SERPINF1: variants seen among roughly 807,000 people sequenced by gnomAD.
SERPINF1 encodes serpin family F member 1.
A neutral mutation model predicts 37.3 loss-of-function variants in SERPINF1; 29 were observed. The observed-to-expected ratio is 0.78, with a 90% CI of 0.58 to 1.06. SERPINF1 has a LOEUF of 1.06. Ranked by LOEUF, SERPINF1 falls within the 50% of genes least tolerant of loss-of-function variation. The probability of loss-of-function intolerance (pLI) is 0.00; values close to 1 mark genes in which losing one functional copy is unlikely to be tolerated. For synonymous variants in SERPINF1, 281 were observed against 227.9 expected, an observed-to-expected ratio of 1.23 and a Z score of -2.10; for missense variants, 553 against 532.2, an observed-to-expected ratio of 1.04 and a Z score of -0.38.
intron 2 of SERPINF1, among the ~76,000 whole-genome samples, chr17:1,769,218 C>G (rs1427638966): frequency 6.6e-5 from 10 of 150,888 alleles, no homozygotes; most frequent in African/African-American, 1.7e-4. Context: ...GACCATCCTG[C>G]CTAACACGGT....
chr17:1,766,639 T>C (rs1387967689), intron 1 of SERPINF1: 3 of 378,498 alleles, frequency 7.9e-6, no homozygotes, highest in Non-Finnish European at 1.4e-5. Flanking sequence ...ACGCAGACAG[T>C]GGAACAAAAG....
chr17:1,767,023 C>G, intron 2 of SERPINF1, 29 bp downstream of exon 2: 1 of 1,525,816 alleles, frequency 6.6e-7, no homozygotes. Flanking sequence ...AGGGCGTGGT[C>G]AGCATTCCCC....
intron 4 of SERPINF1, chr17:1,771,601 C>G: frequency 2.0e-6 from 1 of 510,208 alleles, no homozygotes; most frequent in Non-Finnish European, 3.6e-6. Context: ...AGGAAGGGCC[C>G]GTGAGCCCAA....
chr17:1,763,775 C>T (rs907706217), intron 1 of SERPINF1, among the ~76,000 whole-genome samples: 1 of 152,248 alleles, frequency 6.6e-6, no homozygotes, highest in Admixed American at 6.5e-5. Flanking sequence ...CTCAGCCTAC[C>T]CACATTGTGA....
At position 1,777,284 on chromosome 17, in the gene SERPINF1, C is replaced by CTTT. The variant is rs1908099075; in HGVS notation, c.1095_1096insTTT (p.Asn365_Glu366insPhe). ...AACACCGGGCTGGCTTTGAGTGGAA[C>CTTT]GAGGATGGGGCGGGAACCACCCCCA... On this transcript the variant is annotated inframe_insertion, in exon 8 of 8. Transcript: ENST00000254722. 1 of 1,613,938 alleles carries CTTT rather than the reference C, an allele frequency of 6.2e-7. No individual in the cohort carries two copies. The highest frequency in any genetic ancestry group is 8.5e-7 in the Non-Finnish European group (1 of 1,180,002).
chr17:1,768,928 C>G (rs925121561), intron 2 of SERPINF1, among the ~76,000 whole-genome samples: 1 of 152,000 alleles, frequency 6.6e-6, no homozygotes, highest in East Asian at 2.0e-4. Context: ...GCCTCAGCCT[C>G]CTGAGTAGCT....
intron 1 of SERPINF1, among the ~76,000 whole-genome samples, chr17:1,765,286 G>A (rs146022970): frequency 6.8e-4 from 103 of 152,024 alleles, no homozygotes; most frequent in African/African-American, 2.4e-3. Context: ...GGGACTACAG[G>A]TGTGTGCCAC....
At position 1,776,659 on chromosome 17, in the gene SERPINF1, TGAAGACCGTGCAGGCG is replaced by T; in HGVS notation, c.916_931del (p.Lys306SerfsTer7). The stretch of plus-strand genomic sequence containing the variant: ...TTCATTCATGACATAGACCGAGAAC[TGAAGACCGTGCAGGCG>T]GTCCTCACTGTCCCCAAGCTGAAGC... On this transcript the variant is annotated frameshift_variant, in exon 7 of 8. Transcript: ENST00000254722. LOFTEE classifies it high-confidence loss of function. 1 of 1,613,968 alleles carries T rather than the reference TGAAGACCGTGCAGGCG, an allele frequency of 6.2e-7. No individual in the cohort carries two copies. The highest frequency in any genetic ancestry group is 8.5e-7 in the Non-Finnish European group (1 of 1,180,010).
At chr17:1,774,834 T>C (rs538038097) in intron 5 of SERPINF1, among the ~76,000 whole-genome samples, 3 of 152,128 alleles carry the variant, frequency 2.0e-5, no homozygotes, top group Non-Finnish European at 4.4e-5. Flanking sequence ...ATCAACGTCT[T>C]GCCATCGGAG....
In SERPINF1 at chr17:1,769,302, G is replaced by A. The variant is rs372830043; in HGVS notation, c.85-550G>A. 6.6e-5 allele frequency among the ~76,000 whole-genome samples: 10 copies of A among 152,096 alleles called. No individual in the cohort carries two copies. In the East Asian group the frequency reaches 1.4e-3, roughly 21 times the overall value. The stretch of plus-strand genomic sequence containing the variant: ...TGGGCGCCTGTAGTCCCAGCTACTC[G>A]GGAGGCTGAGGCAGGAGAATGGCGT... On this transcript the variant is annotated intron_variant, in intron 2 of 7. Coordinates refer to ENST00000254722, the MANE Select transcript of SERPINF1 (RefSeq NM_002615.7).
At chr17:1,762,569 G>A (rs1178153922) in intron 1 of SERPINF1, among the ~76,000 whole-genome samples, 1 of 152,158 alleles carries the variant, frequency 6.6e-6, no homozygotes, top group Non-Finnish European at 1.5e-5. Context: ...CTGCTCCCTC[G>A]GCTCCCTGCT....
At chr17:1,774,764 C>G (rs1445220097) in intron 5 of SERPINF1, among the ~76,000 whole-genome samples, 1 of 152,202 alleles carries the variant, frequency 6.6e-6, no homozygotes, top group Non-Finnish European at 1.5e-5. Context: ...GCCCGGCTAC[C>G]ACTTTACTTT....
At chr17:1,775,325 CTT>C in intron 6 of SERPINF1, 125 bp downstream of exon 6, 2 of 981,494 alleles carry the variant, frequency 2.0e-6, no homozygotes, top group East Asian at 2.5e-5. Context: ...TGCTGTGTGA[CTT>C]TGAGCAGGTT....
intron 4 of SERPINF1, 82 bp from the exon 5 acceptor site, chr17:1,771,790 G>T: frequency 7.0e-7 from 1 of 1,419,632 alleles, no homozygotes; most frequent in Middle Eastern, 2.4e-4. Flanking sequence ...CGCTAAACCA[G>T]AACCCGAGCC....
At chr17:1,773,430 G>C (rs573013611) in intron 5 of SERPINF1, among the ~76,000 whole-genome samples, 16 of 152,184 alleles carry the variant, frequency 1.1e-4, no homozygotes, top group Admixed American at 9.8e-4. Flanking sequence ...ATTTTCAGTA[G>C]AGATGGGGTT....
intron 1 of SERPINF1, among the ~76,000 whole-genome samples, chr17:1,764,638 A>G (rs947802021): frequency 6.6e-6 from 1 of 152,224 alleles, no homozygotes. Flanking sequence ...GATATTGTCC[A>G]GTGGATTATC....
At chr17:1,769,416 A>G (rs993018057) in intron 2 of SERPINF1, among the ~76,000 whole-genome samples, 14 of 151,714 alleles carry the variant, frequency 9.2e-5, no homozygotes, top group African/African-American at 3.4e-4. Flanking sequence ...CTCAAAAAAA[A>G]AAAAAAAAGT....
Position 1,766,966 on chromosome 17 carries a change from G to T in SERPINF1, c.56G>T (p.Cys19Phe), listed in dbSNP as rs1473546927. Reference sequence around the variant, plus strand: ...GGAGCCCTCCTCGGGCACAGCAGCTGCCAGAACCCTGCCAGCCCCCCGGAG... The same window carrying T: ...GGAGCCCTCCTCGGGCACAGCAGCTTCCAGAACCCTGCCAGCCCCCCGGAG... Reference protein sequence around the residue: ...CIGALLGHSSCQNPASPPEEG... With the variant: ...CIGALLGHSSFQNPASPPEEG... The change falls in exon 2 of 8, where the codon TGC becomes TTC. Residue 19 changes from cysteine (C) to phenylalanine (F), a missense_variant. Cys to Phe is a radical substitution (Grantham distance 205). Coordinates refer to ENST00000254722, the MANE Select transcript of SERPINF1 (RefSeq NM_002615.7). 6.4e-7 allele frequency: 1 copy of T among 1,561,330 alleles called. No homozygotes were observed. Among genetic ancestry groups the T allele is most frequent in the Non-Finnish European group, 8.7e-7 (1 of 1,152,450 alleles).
intron 1 of SERPINF1, among the ~76,000 whole-genome samples, chr17:1,764,158 G>A (rs148808626): frequency 3.3e-5 from 5 of 152,306 alleles, no homozygotes; most frequent in African/African-American, 9.6e-5. Context: ...CTTTAGCCTG[G>A]GCGACAAGAG....
Sources: gnomAD v4.1 joint callset for allele counts (sites outside exome capture counted in the v4.1 genomes callset) on GRCh38, gnomAD v4.1.1 for gene constraint, MANE v1.5 for transcripts, NCBI Gene and HGNC (gene_info 2026-07-23, HGNC 2026-07-21) for gene names.